Variants in CSF2RB observed in about 807,000 individuals in gnomAD.
CSF2RB encodes the protein colony stimulating factor 2 receptor subunit beta, also known as cytokine receptor common subunit beta.
CSF2RB carries 22 observed loss-of-function variants against 67.2 expected under a neutral mutation model. The observed-to-expected ratio is 0.33, with a 90% CI of 0.23 to 0.47. The LOEUF is 0.47. Among genes scored for constraint, CSF2RB ranks in the 20% least tolerant of loss-of-function variants. The pLI, the probability that CSF2RB is intolerant of heterozygous loss-of-function variation, is 1.00. For synonymous variants in CSF2RB, 507 were observed against 482.9 expected, an observed-to-expected ratio of 1.05 and a Z score of -0.65; for missense variants, 1,113 against 1,174.5, an observed-to-expected ratio of 0.95 and a Z score of 0.76.
At chr22:36,927,484 C>T (rs1941043430) in intron 4 of CSF2RB, among the ~76,000 whole-genome samples, 1 of 152,174 alleles carries the variant, frequency 6.6e-6, no homozygotes, top group East Asian at 1.9e-4. Context: ...CAGTAAGAGC[C>T]TCTCTGGCAG....
rs1303887896 is a variant in CSF2RB, at chr22:36,935,458, G to A, written c.1406+17G>A. ...CGGGTACAGGTGAGGGGACTCTGTGGGGCTGGAGGTGGCAGCCGAGACCCC... is the reference window on the plus strand; with the variant it reads ...CGGGTACAGGTGAGGGGACTCTGTGAGGCTGGAGGTGGCAGCCGAGACCCC... On this transcript the variant is annotated intron_variant, in intron 11 of 13. Coordinates refer to ENST00000403662, the MANE Select transcript of CSF2RB (RefSeq NM_000395.3). 7 of 1,613,706 alleles carry A rather than the reference G, an allele frequency of 4.3e-6. No individual in the cohort carries two copies. Among genetic ancestry groups the A allele is most frequent in the African/African-American group, 1.3e-5 (1 of 74,920 alleles).
At chr22:36,924,155 G>A (rs1003794953) in intron 3 of CSF2RB, among the ~76,000 whole-genome samples, 2 of 148,432 alleles carry the variant, frequency 1.3e-5, no homozygotes, top group Non-Finnish European at 3.0e-5. Context: ...CGTCTCTGTC[G>A]GACCTTCTCC....
chr22:36,937,881 C>T lies in CSF2RB; in HGVS notation c.2073C>T (p.Ser691=). 1 of 1,614,114 alleles carries T rather than the reference C, an allele frequency of 6.2e-7. No homozygotes were observed. Among genetic ancestry groups the T allele is most frequent in the Non-Finnish European group, 8.5e-7 (1 of 1,179,984 alleles). ...PRVGGQDQKD[S]PVAIPMSSGD... is the part of the protein sequence containing the mutation. ...TGGGAGGACAGGACCAAAAGGACAGCCCTGTGGCTATACCCATGAGCTCTG... is the reference window on the plus strand; with the variant it reads ...TGGGAGGACAGGACCAAAAGGACAGTCCTGTGGCTATACCCATGAGCTCTG... Residue 691 remains serine, a synonymous_variant, in exon 14 of 14, where the codon AGC becomes AGT. Coordinates refer to ENST00000403662, the MANE Select transcript of CSF2RB (RefSeq NM_000395.3). The surrounding 1 kb of genome is among the most constrained non-coding windows in gnomAD (Gnocchi z 4.6).
intron 8 of CSF2RB, among the ~76,000 whole-genome samples, 188 bp downstream of exon 8, chr22:36,931,018 G>A (rs962286255): frequency 2.6e-5 from 4 of 152,190 alleles, no homozygotes; most frequent in Non-Finnish European, 5.9e-5. Context: ...AAAAACAGGA[G>A]CAGATCTTTA....
intron 4 of CSF2RB, among the ~76,000 whole-genome samples, chr22:36,928,167 C>G (rs2145800784): frequency 6.6e-6 from 1 of 152,296 alleles, no homozygotes; most frequent in Admixed American, 6.5e-5. Flanking sequence ...AGGCATGCAT[C>G]TGATCTGCTC....
chr22:36,934,207 A>G lies in CSF2RB; in HGVS notation c.1315+213A>G, dbSNP rs738149. On this transcript the variant is annotated intron_variant, in intron 10 of 13. Coordinates refer to ENST00000403662, the MANE Select transcript of CSF2RB (RefSeq NM_000395.3). ...GACCCGCAAGTTGAAAGAGGCAAAGAGTAAAGCAGGCAGAAACTGGGCGTG... is the reference window on the plus strand; with the variant it reads ...GACCCGCAAGTTGAAAGAGGCAAAGGGTAAAGCAGGCAGAAACTGGGCGTG... Among the ~76,000 whole-genome samples the G allele has an allele frequency of 0.71, 108,008 of 152,026 alleles. 38,606 individuals are homozygous for G. The highest frequency in any genetic ancestry group is 0.87 in the East Asian group (4,465 of 5,160).
At chr22:36,924,278 C>T (rs557521117) in intron 3 of CSF2RB, among the ~76,000 whole-genome samples, 2 of 152,082 alleles carry the variant, frequency 1.3e-5, no homozygotes, top group East Asian at 3.9e-4. Context: ...CTCCCCACCC[C>T]CTTTGCCCAC....
At chr22:36,936,310 G>A (rs542831112) in intron 12 of CSF2RB, among the ~76,000 whole-genome samples, 1 of 152,258 alleles carries the variant, frequency 6.6e-6, no homozygotes, top group East Asian at 1.9e-4. Context: ...GGCACTCCAG[G>A]TTAGAAAAAT....
intron 1 of CSF2RB, among the ~76,000 whole-genome samples, chr22:36,918,492 A>G (rs1055194692): frequency 1.4e-4 from 21 of 152,212 alleles, no homozygotes; most frequent in African/African-American, 5.1e-4. Flanking sequence ...AGAACTAGGC[A>G]TGGCTTTATT....
chr22:36,926,011 T>C lies in CSF2RB; in HGVS notation c.225T>C (p.Cys75=). 1 of 1,614,222 alleles carries C rather than the reference T, an allele frequency of 6.2e-7. No individual in the cohort carries two copies. The highest frequency in any genetic ancestry group is 8.5e-7 in the Non-Finnish European group (1 of 1,180,042). Residue 75 remains cysteine (C), a synonymous_variant, in exon 4 of 14, where the codon TGT becomes TGC. Transcript: ENST00000403662. ...VNEDLLEPVS[C]DLSDDMPWSA... is the part of the protein sequence containing the mutation. ...GGGACCTCCTGGAGCCAGTGTCCTG[T>C]GACCTCAGTGATGACATGCCCTGGT...
rs1174001451 is a variant in CSF2RB at position 36,938,526 on chromosome 22, G to A, written c.*24G>A. On this transcript the variant is annotated 3_prime_UTR_variant, in exon 14 of 14. Transcript: ENST00000403662. ...GAGACCCCCAGGCCTAGACAGGCAAGGGGATGGAGAGGGCTTGCCTTCCCT... is the reference window on the plus strand; with the variant it reads ...GAGACCCCCAGGCCTAGACAGGCAAAGGGATGGAGAGGGCTTGCCTTCCCT... 1.9e-6 allele frequency: 3 copies of A among 1,593,492 alleles called. No individual in the cohort carries two copies. The Admixed American group carries it at 5.2e-5, about 28-fold the overall frequency.
At chr22:36,929,375 A>G (rs757739081) in intron 4 of CSF2RB, 27 bp from the exon 5 acceptor site, 3 of 1,613,988 alleles carry the variant, frequency 1.9e-6, no homozygotes, top group African/African-American at 1.3e-5. Flanking sequence ...TCCAGCCCTT[A>G]GGTGCCCTTC....
At chr22:36,935,323 A>G in intron 10 of CSF2RB, 28 bp from the exon 11 acceptor site, 1 of 1,609,586 alleles carries the variant, frequency 6.2e-7, no homozygotes, top group Non-Finnish European at 8.5e-7. Context: ...AGATGCTGAC[A>G]TTCCTCTTTC....
intron 12 of CSF2RB, 91 bp downstream of exon 12, chr22:36,935,778 C>G: frequency 1.4e-6 from 2 of 1,411,450 alleles, no homozygotes; most frequent in Non-Finnish European, 2.0e-6. Flanking sequence ...TTCCTGTGGG[C>G]TTTGGGTGGT....
At chr22:36,925,908 T>G (rs961852777) in intron 3 of CSF2RB, 79 bp from the exon 4 acceptor site, 4 of 1,459,018 alleles carry the variant, frequency 2.7e-6, no homozygotes, top group Non-Finnish European at 3.8e-6. Context: ...GAGCCAGGCA[T>G]GTGGTGAGCA....
chr22:36,929,278 G>C, intron 4 of CSF2RB, 124 bp from the exon 5 acceptor site: 2 of 1,287,524 alleles, frequency 1.6e-6, no homozygotes, highest in East Asian at 2.3e-5. Flanking sequence ...TCTTGCTCAA[G>C]GTCCCTCAGC....
chr22:36,938,263 G>A lies in CSF2RB; in HGVS notation c.2455G>A (p.Val819Met), dbSNP rs753360499. ...CGAGGGCCTCCTTGTCCTGCAGCAAGTGGGCGACTATTGCTTCCTCCCCGG... is the reference window on the plus strand; with the variant it reads ...CGAGGGCCTCCTTGTCCTGCAGCAAATGGGCGACTATTGCTTCCTCCCCGG... ...QPEGLLVLQQVGDYCFLPGLG... is the reference protein window; with the variant it reads ...QPEGLLVLQQMGDYCFLPGLG... The change falls in exon 14 of 14, where the codon GTG becomes ATG. Residue 819 changes from valine (V) to methionine (M), a missense_variant. By Grantham distance (21) the Val-to-Met change is conservative. This residue lies in a region of CSF2RB where 554 missense variants were observed against 517.9 expected (regional missense o/e 1.07). Transcript: ENST00000403662. 1.2e-6 allele frequency: 2 copies of A among 1,614,196 alleles called. No homozygotes were observed. The highest frequency in any genetic ancestry group is 1.7e-6 in the Non-Finnish European group (2 of 1,180,022).
chr22:36,915,573 C>T (rs978493525), intron 1 of CSF2RB, among the ~76,000 whole-genome samples: 2 of 152,148 alleles, frequency 1.3e-5, no homozygotes, highest in African/African-American at 4.8e-5. Flanking sequence ...CACAATTCAT[C>T]TAATCTCACG....
intron 2 of CSF2RB, 31 bp from the exon 3 acceptor site, chr22:36,923,213 A>G (rs1285929429): frequency 6.2e-7 from 1 of 1,614,062 alleles, no homozygotes; most frequent in Non-Finnish European, 8.5e-7. Flanking sequence ...TGCAGGAAAG[A>G]GAGGTGACCC....
Sources: gnomAD v4.1 joint callset for allele counts (sites outside exome capture counted in the v4.1 genomes callset) on GRCh38, gnomAD v4.1.1 for gene constraint, gnomAD v4.1.1 regional missense constraint, Gnocchi (gnomAD v3.1) non-coding constraint, MANE v1.5 for transcripts, NCBI Gene and HGNC (gene_info 2026-07-23, HGNC 2026-07-21) for gene names.